The following SAMD12 variants were observed in gnomAD, a reference collection of about 807,000 sequenced individuals.
SAMD12 encodes the protein sterile alpha motif domain-containing protein 12.
Under a neutral mutation model 15.0 loss-of-function variants are expected in SAMD12, and 9 were observed. That is an observed-to-expected ratio of 0.60 (90% confidence interval 0.36 to 1.05). SAMD12 has a LOEUF of 1.05. Among genes scored for constraint, SAMD12 ranks in the 50% least tolerant of loss-of-function variants. The pLI, the probability that SAMD12 is intolerant of heterozygous loss-of-function variation, is 0.01. For synonymous variants in SAMD12, 86 were observed against 90.1 expected, an observed-to-expected ratio of 0.96 and a Z score of 0.25; for missense variants, 230 against 234.2, an observed-to-expected ratio of 0.98 and a Z score of 0.12.
chr8:118,335,733 CT>C (rs1817024280), intron 4 of SAMD12, among the ~76,000 whole-genome samples: 2 of 152,144 alleles, frequency 1.3e-5, no homozygotes, highest in Non-Finnish European at 2.9e-5. Flanking sequence ...CACTGAGGGC[CT>C]TTTCTATGGC....
intron 4 of SAMD12, among the ~76,000 whole-genome samples, chr8:118,216,329 T>C (rs1203730421): frequency 6.6e-6 from 1 of 151,806 alleles, no homozygotes; most frequent in Non-Finnish European, 1.5e-5. Flanking sequence ...TCTTGTAAAT[T>C]TGTTTGAGTT....
At chr8:118,551,603 C>T (rs1826337014) in intron 2 of SAMD12, among the ~76,000 whole-genome samples, 1 of 151,970 alleles carries the variant, frequency 6.6e-6, no homozygotes, top group African/African-American at 2.4e-5. Context: ...ACCCTAACAT[C>T]ACAACTAAAA....
At chr8:118,463,417 A>G (rs1442692027) in intron 2 of SAMD12, among the ~76,000 whole-genome samples, 2 of 152,176 alleles carry the variant, frequency 1.3e-5, no homozygotes, top group Non-Finnish European at 2.9e-5. Context: ...GCAGTGGCAC[A>G]TGTGACATTC....
intron 3 of SAMD12, among the ~76,000 whole-genome samples, chr8:118,391,284 A>T (rs1820263110): frequency 6.6e-6 from 1 of 152,226 alleles, no homozygotes; most frequent in South Asian, 2.1e-4. Flanking sequence ...TGGAAGATTT[A>T]TGATAAAATA....
exon 5 of SAMD12, chr8:118,197,315 T>C (rs569175394): frequency 4.3e-6 from 1 of 231,996 alleles, no homozygotes; most frequent in South Asian, 9.1e-5. Flanking sequence ...ATTTTTTTTT[T>C]CTAAAACATC....
intron 2 of SAMD12, among the ~76,000 whole-genome samples, chr8:118,554,268 G>A (rs1176368446): frequency 6.6e-6 from 1 of 152,078 alleles, no homozygotes; most frequent in African/African-American, 2.4e-5. Flanking sequence ...CAATAGCAAA[G>A]ACTTGGAACC....
At chr8:118,542,729 C>T (rs1458526610) in intron 2 of SAMD12, among the ~76,000 whole-genome samples, 4 of 152,194 alleles carry the variant, frequency 2.6e-5, no homozygotes, top group Non-Finnish European at 4.4e-5. Flanking sequence ...CCTGTAAATA[C>T]CATTTAACAA....
chr8:118,293,337 C>T (rs1388252119), intron 4 of SAMD12, among the ~76,000 whole-genome samples: 1 of 152,282 alleles, frequency 6.6e-6, no homozygotes, highest in African/African-American at 2.4e-5. Flanking sequence ...ATACAACCAA[C>T]TCTGATGATT....
At chr8:118,541,759 TATTTC>T (rs1400046734) in intron 2 of SAMD12, among the ~76,000 whole-genome samples, 1 of 152,242 alleles carries the variant, frequency 6.6e-6, no homozygotes, top group East Asian at 1.9e-4. Context: ...TATACATACT[TATTTC>T]AGTAACTGAC....
chr8:118,550,577 C>T lies in SAMD12; in HGVS notation c.192+30138G>A, dbSNP rs1281717796. 3.9e-5 allele frequency among the ~76,000 whole-genome samples: 6 copies of T among 152,170 alleles called. No homozygotes were observed. In the East Asian group the frequency reaches 1.2e-3, roughly 29 times the overall value. Reference sequence around the variant, plus strand: ...CGGTACCAGCCGCTGCAAAATCATGCCAAAATGTAAAGACCATCAAGACTA... The same window carrying T: ...CGGTACCAGCCGCTGCAAAATCATGTCAAAATGTAAAGACCATCAAGACTA... On this transcript the variant is annotated intron_variant, in intron 2 of 3. Coordinates refer to ENST00000314727, the MANE Select transcript of SAMD12 (RefSeq NM_207506.3).
chr8:118,181,544 C>G, the SAMD12 span, among the ~76,000 whole-genome samples: 1 of 152,156 alleles, frequency 6.6e-6, no homozygotes, highest in African/African-American at 2.4e-5. Flanking sequence ...CAATCAGGGT[C>G]CATTTTCAGG....
chr8:118,250,455 C>G (rs1362581908), intron 4 of SAMD12, among the ~76,000 whole-genome samples: 1 of 151,620 alleles, frequency 6.6e-6, no homozygotes, highest in African/African-American at 2.4e-5. Flanking sequence ...TGAATGCCCC[C>G]AAATACCCCA....
chr8:118,513,840 G>A (rs184501091), intron 2 of SAMD12, among the ~76,000 whole-genome samples: 162 of 152,242 alleles, frequency 1.1e-3, no homozygotes, highest in African/African-American at 3.7e-3. Context: ...CCTCAGTTTT[G>A]GGGGAAAATG....
chr8:118,355,588 C>T (rs1475430038), intron 4 of SAMD12, among the ~76,000 whole-genome samples: 1 of 152,164 alleles, frequency 6.6e-6, no homozygotes, highest in East Asian at 1.9e-4. Flanking sequence ...ATAGACTAGA[C>T]AGTTTGGAGG....
At chr8:118,477,976 T>C (rs536263114) in intron 2 of SAMD12, among the ~76,000 whole-genome samples, 68 of 138,188 alleles carry the variant, frequency 4.9e-4, no homozygotes, top group Non-Finnish European at 8.2e-4. Flanking sequence ...ATCTCCCCAC[T>C]GCACTCCAGC....
chr8:118,241,479 A>C (rs1812563450), intron 4 of SAMD12, among the ~76,000 whole-genome samples: 1 of 152,180 alleles, frequency 6.6e-6, no homozygotes, highest in South Asian at 2.1e-4. Context: ...CATACTTATC[A>C]AAACAAACAT....
At chr8:118,497,066 T>C (rs1407303015) in intron 2 of SAMD12, among the ~76,000 whole-genome samples, 1 of 151,992 alleles carries the variant, frequency 6.6e-6, no homozygotes, top group Non-Finnish European at 1.5e-5. Context: ...AGTCAAAAAA[T>C]AACAGATGTT....
At chr8:118,218,927 T>C (rs1023990570) in intron 4 of SAMD12, among the ~76,000 whole-genome samples, 1 of 152,166 alleles carries the variant, frequency 6.6e-6, no homozygotes, top group Admixed American at 6.5e-5. Flanking sequence ...ATTTGAATAA[T>C]TACCAACATT....
intron 1 of SAMD12, among the ~76,000 whole-genome samples, chr8:118,591,431 T>G (rs1827583171): frequency 6.6e-6 from 1 of 152,158 alleles, no homozygotes; most frequent in Non-Finnish European, 1.5e-5. Flanking sequence ...ATTATTGTGT[T>G]GATAAAGAGA....
Sources: allele counts gnomAD v4.1 joint callset (sites outside exome capture counted in the v4.1 genomes callset), GRCh38; gene constraint gnomAD v4.1.1; transcripts MANE v1.5; gene names NCBI Gene and HGNC (gene_info 2026-07-23, HGNC 2026-07-21).